The following PNPLA3 variants were observed in gnomAD, a reference collection of about 807,000 sequenced individuals.
PNPLA3 encodes the protein 1-acylglycerol-3-phosphate O-acyltransferase PNPLA3.
PNPLA3 carries 42 observed loss-of-function variants against 43.1 expected under a neutral mutation model. That is an observed-to-expected ratio of 0.97 (90% CI 0.76 to 1.26). PNPLA3 has a LOEUF of 1.26. Ranked by LOEUF, PNPLA3 falls within the 50% of genes most tolerant of loss-of-function variation. The pLI is 0.00. For synonymous variants in PNPLA3, 272 were observed against 253.6 expected (o/e 1.07, Z -0.69); for missense variants, 647 against 621.4 (o/e 1.04, Z -0.44).
Position 43,939,907 on chromosome 22 carries a change from T to G in PNPLA3, c.980-86T>G, listed in dbSNP as rs2050020298. ...CTTTGGCTGCCAGGACGGGCGTATTTTATGGAAATGCTAAGCACCAACAGA... is the reference window on the plus strand; with the variant it reads ...CTTTGGCTGCCAGGACGGGCGTATTGTATGGAAATGCTAAGCACCAACAGA... On this transcript the variant is annotated intron_variant, in intron 6 of 8. Coordinates refer to ENST00000216180, the MANE Select transcript of PNPLA3 (RefSeq NM_025225.3). 2.5e-6 allele frequency: 4 copies of G among 1,598,092 alleles called. No homozygotes were observed. In the Admixed American group the frequency reaches 6.7e-5, roughly 27 times the overall value.
At position 43,946,153 on chromosome 22, in the gene PNPLA3, G is replaced by C; in HGVS notation, c.1218-1G>C. On this transcript the variant is annotated splice_acceptor_variant, in intron 8 of 8. Coordinates refer to ENST00000216180, the MANE Select transcript of PNPLA3 (RefSeq NM_025225.3). LOFTEE classifies it high-confidence loss of function. Reference sequence around the variant, plus strand: ...AAGCCAACTTCCTCCATGTGTTTCAGGTCCCAAATGCCAGTGAGCAGCCAA... The same window carrying C: ...AAGCCAACTTCCTCCATGTGTTTCACGTCCCAAATGCCAGTGAGCAGCCAA... 1 of 1,612,150 alleles carries C rather than the reference G, an allele frequency of 6.2e-7. No homozygotes were observed. Among genetic ancestry groups the C allele is most frequent in the Non-Finnish European group, 8.5e-7 (1 of 1,178,368 alleles).
chr22:43,940,121 C>T lies in PNPLA3; in HGVS notation c.1108C>T (p.Gln370Ter), dbSNP rs1433623201. The change falls in exon 7 of 9, where the codon CAG becomes TAG. Residue 370 changes from glutamine (Q) to a stop codon, truncating the protein, a stop_gained. Transcript: ENST00000216180. LOFTEE classifies it high-confidence loss of function. ...TGTGGAATCTGCCATTGCGATTGTC[C>T]AGAGGTGAGCATTTTAGGTGGCTCC... ...LPVESAIAIV[Q>*]RLVTWLPDMP... is the part of the protein sequence containing the mutation. 1 of 1,613,938 alleles carries T rather than the reference C, an allele frequency of 6.2e-7. No homozygotes were observed. Among genetic ancestry groups the T allele is most frequent in the Admixed American group, 1.7e-5 (1 of 60,014 alleles).
intron 3 of PNPLA3, among the ~76,000 whole-genome samples, chr22:43,931,662 C>T (rs2049962517): frequency 6.6e-6 from 1 of 152,184 alleles, no homozygotes; most frequent in African/African-American, 2.4e-5. Context: ...ATTACAAGCA[C>T]ACATCCCCAT....
chr22:43,940,054 C>T lies in PNPLA3; in HGVS notation c.1041C>T (p.Pro347=), dbSNP rs760916944. The T allele has an allele frequency of 6.2e-7, 1 of 1,613,938 alleles. No individual in the cohort carries two copies. Among genetic ancestry groups the T allele is most frequent in the Non-Finnish European group, 8.5e-7 (1 of 1,179,834 alleles). ...TGAGCAAGATTTGCAACTTGCTACC[C>T]ATTAGGATAATGTCTTATGTAATGC... The part of the protein sequence containing the change: ...GYMSKICNLL[P]IRIMSYVMLP... Residue 347 remains proline (P), a synonymous_variant, in exon 7 of 9, where the codon CCC becomes CCT. Coordinates refer to ENST00000216180, the MANE Select transcript of PNPLA3 (RefSeq NM_025225.3).
At chr22:43,942,866 C>G (rs1297298161) in intron 7 of PNPLA3, among the ~76,000 whole-genome samples, 2 of 151,962 alleles carry the variant, frequency 1.3e-5, no homozygotes, top group African/African-American at 4.8e-5. Flanking sequence ...CCACACCCAA[C>G]AAATATTTTT....
rs762764205 is a variant in PNPLA3, at chr22:43,934,621, T to C, written c.712T>C (p.Cys238Arg). 1.9e-6 allele frequency: 3 copies of C among 1,613,972 alleles called. No individual in the cohort carries two copies. In the South Asian group the frequency reaches 3.3e-5, roughly 18 times the overall value. ...TTGCTCACAGGTGCTGGGAGAGATA[T>C]GCCTTCGAGGATATTTGGATGCATT... is the stretch of plus-strand genomic sequence containing the variant. ...PPDLKVLGEI[C>R]LRGYLDAFRF... The change falls in exon 5 of 9, where the codon TGC becomes CGC. Residue 238 changes from cysteine to arginine, a missense_variant. Coordinates refer to ENST00000216180, the MANE Select transcript of PNPLA3 (RefSeq NM_025225.3).
chr22:43,932,384 T>A (rs13056681), intron 3 of PNPLA3, among the ~76,000 whole-genome samples: 307 of 152,342 alleles, frequency 2.0e-3, no homozygotes, highest in Non-Finnish European at 3.6e-3. Flanking sequence ...GATGGGCTCA[T>A]GGGTTAAAGG....
intron 7 of PNPLA3, among the ~76,000 whole-genome samples, chr22:43,941,449 C>T (rs2050030747): frequency 6.6e-6 from 1 of 152,128 alleles, no homozygotes; most frequent in Non-Finnish European, 1.5e-5. Context: ...CTCCAGATGA[C>T]TGAATCCACC....
rs2050062499 is a variant in PNPLA3, at chr22:43,946,229, C to T, written c.1293C>T (p.Cys431=). The T allele has an allele frequency of 6.2e-7, 1 of 1,614,084 alleles. No individual in the cohort carries two copies. The highest frequency in any genetic ancestry group is 8.5e-7 in the Non-Finnish European group (1 of 1,180,050). ...AGGACTGGCCCTGCTGGACTCCCTG[C>T]TCCCCCAAGGGCTGTCCAGCAGAGA... ...PEQDWPCWTP[C]SPKGCPAETK... is the part of the protein sequence containing the mutation. Residue 431 remains cysteine, a synonymous_variant, in exon 9 of 9, where the codon TGC becomes TGT. Coordinates refer to ENST00000216180, the MANE Select transcript of PNPLA3 (RefSeq NM_025225.3).
At chr22:43,930,020 C>G (rs911160859) in intron 3 of PNPLA3, among the ~76,000 whole-genome samples, 2 of 152,112 alleles carry the variant, frequency 1.3e-5, no homozygotes, top group Non-Finnish European at 1.5e-5. Flanking sequence ...AAAATACTAG[C>G]CTTTTAGGGT....
At chr22:43,940,537 C>T (rs1011409545) in intron 7 of PNPLA3, among the ~76,000 whole-genome samples, 45 of 152,174 alleles carry the variant, frequency 3.0e-4, no homozygotes, top group Non-Finnish European at 6.5e-4. Flanking sequence ...AGGCCGGCGC[C>T]GTGGCTCACG....
At position 43,946,300 on chromosome 22, in the gene PNPLA3, ACTT is replaced by A. The variant is rs147312179; in HGVS notation, c.1371_1373del (p.Phe457del). On this transcript the variant is annotated inframe_deletion, in exon 9 of 9. Coordinates refer to ENST00000216180, the MANE Select transcript of PNPLA3 (RefSeq NM_025225.3). Reference sequence around the variant, plus strand: ...CGGTCCATCCTCAGGTCCAGCCTGAACTTCTTCTTGGGCAATAAAGTACCTGCT... The same window carrying A: ...CGGTCCATCCTCAGGTCCAGCCTGAACTTCTTGGGCAATAAAGTACCTGCT... 1,622 of 1,614,158 alleles carry A rather than the reference ACTT, an allele frequency of 1.0e-3. 16 individuals carry two copies. The African/African-American group carries it at 0.019, about 19-fold the overall frequency.
rs145772939 is a variant in PNPLA3 at position 43,939,541 on chromosome 22, G to A, written c.980-452G>A. On this transcript the variant is annotated intron_variant, in intron 6 of 8. Coordinates refer to ENST00000216180, the MANE Select transcript of PNPLA3 (RefSeq NM_025225.3). ...GTGAAGGGAGCAGCCTGGGCCGGGC[G>A]CGGTGGCTTACACCTGTAATCCTAG... The A allele has an allele frequency of 7.3e-4, 436 of 599,848 alleles. 2 individuals are homozygous for A. In the East Asian group the frequency reaches 0.028, roughly 38 times the overall value. 37.2% of individuals were successfully genotyped at this position (599,848 alleles called of 1,614,324 possible). A position where few individuals can be genotyped will look rare whatever the true frequency, so the allele number is the denominator to read the frequency against.
In PNPLA3 at chr22:43,927,236, T is replaced by C. The variant is rs188091079; in HGVS notation, c.420+69T>C. 3.0e-4 allele frequency: 434 copies of C among 1,446,352 alleles called. 2 individuals are homozygous for C. In the African/African-American group the frequency reaches 3.3e-3, roughly 11 times the overall value. 89.6% of individuals were successfully genotyped at this position (1,446,352 alleles called of 1,614,324 possible). A position where few individuals can be genotyped will look rare whatever the true frequency, so the allele number is the denominator to read the frequency against. On this transcript the variant is annotated intron_variant, in intron 2 of 8. Coordinates refer to ENST00000216180, the MANE Select transcript of PNPLA3 (RefSeq NM_025225.3). ...GTTTTGGGATGGGTGTGGTGGCTCATGCCTGTCATCCCGGCACTTTGGGAG... is the reference window on the plus strand; with the variant it reads ...GTTTTGGGATGGGTGTGGTGGCTCACGCCTGTCATCCCGGCACTTTGGGAG...
Position 43,927,124 on chromosome 22 carries a change from A to G in PNPLA3, c.377A>G (p.Asn126Ser). ...ISLTRVSDGE[N>S]VLVSDFRSKD... ...CTTACCAGAGTGTCTGATGGGGAAA[A>G]CGTTCTGGTGTCTGACTTTCGGTCC... The change falls in exon 2 of 9, where the codon AAC (asparagine) becomes AGC (serine). Residue 126 changes from asparagine to serine, a missense_variant. Asn to Ser is a conservative substitution (Grantham distance 46, BLOSUM62 1). Transcript: ENST00000216180. The G allele has an allele frequency of 2.5e-6, 4 of 1,614,210 alleles. No homozygotes were observed. Among genetic ancestry groups the G allele is most frequent in the Non-Finnish European group, 1.7e-6 (2 of 1,180,032 alleles).
Position 43,934,601 on chromosome 22 carries a change from C to G in PNPLA3, c.697-5C>G. 1 of 1,613,166 alleles carries G rather than the reference C, an allele frequency of 6.2e-7. No homozygotes were observed. The highest frequency in any genetic ancestry group is 1.7e-5 in the Admixed American group (1 of 60,012). On this transcript the variant is annotated splice_polypyrimidine_tract_variant and splice_region_variant and intron_variant, in intron 4 of 8. Coordinates refer to ENST00000216180, the MANE Select transcript of PNPLA3 (RefSeq NM_025225.3). ...CTGTAGTCCCCTTGCTTGCTTTGCT[C>G]ACAGGTGCTGGGAGAGATATGCCTT...
chr22:43,930,864 G>A (rs965083740), intron 3 of PNPLA3, among the ~76,000 whole-genome samples: 1 of 152,188 alleles, frequency 6.6e-6, no homozygotes, highest in African/African-American at 2.4e-5. Flanking sequence ...GACAGTTTGG[G>A]TTGTCAGAAC....
chr22:43,926,102 C>T (rs2049920273), intron 1 of PNPLA3, among the ~76,000 whole-genome samples: 1 of 152,210 alleles, frequency 6.6e-6, no homozygotes, highest in African/African-American at 2.4e-5. Context: ...GAGCATGTCC[C>T]AGAGGCTGCA....
rs777495252 is a variant in PNPLA3 at position 43,926,887 on chromosome 22, C to T, written c.188-48C>T. 9 of 1,536,526 alleles carry T rather than the reference C, an allele frequency of 5.9e-6. No individual in the cohort carries two copies. The South Asian group carries it at 1.0e-4, about 17-fold the overall frequency. Reference sequence around the variant, plus strand: ...GTTTCTGGCCTTGCCAAAAGTATTACCATCCCAGTGTGGTACATTCTTTCA... The same window carrying T: ...GTTTCTGGCCTTGCCAAAAGTATTATCATCCCAGTGTGGTACATTCTTTCA... On this transcript the variant is annotated intron_variant, in intron 1 of 8. Coordinates refer to ENST00000216180, the MANE Select transcript of PNPLA3 (RefSeq NM_025225.3).
Sources: allele counts gnomAD v4.1 joint callset (sites outside exome capture counted in the v4.1 genomes callset), GRCh38; gene constraint gnomAD v4.1.1; transcripts MANE v1.5; gene names NCBI Gene and HGNC (gene_info 2026-07-23, HGNC 2026-07-21).